Variants in ERCC6 observed in about 807,000 individuals in gnomAD.
ERCC6 encodes the protein ERCC excision repair 6, chromatin remodeling factor.
A neutral mutation model predicts 158.7 loss-of-function variants in ERCC6; 116 were observed. The ratio of observed to expected loss-of-function variants is 0.73; its 90% CI spans 0.63 to 0.85. ERCC6 has a LOEUF of 0.85. ERCC6 is among the 40% of genes least tolerant of loss of function. The probability of loss-of-function intolerance (pLI) is 0.00; values close to 1 mark genes in which losing one functional copy is unlikely to be tolerated. For synonymous variants in ERCC6, 678 were observed against 659.3 expected, an observed-to-expected ratio of 1.03 and a Z score of -0.43; for missense variants, 1,698 against 1,799.4, an observed-to-expected ratio of 0.94 and a Z score of 1.02.
At position 49,470,897 on chromosome 10, in the gene ERCC6, G is replaced by A. The variant is rs1461042995; in HGVS notation, c.3071-8C>T. On this transcript the variant is annotated splice_region_variant and splice_polypyrimidine_tract_variant and intron_variant, in intron 17 of 20. Coordinates refer to ENST00000355832, the MANE Select transcript of ERCC6 (RefSeq NM_000124.4). ...GAACATCTGATCCAGTTCCTGTAAA[G>A]AGGAAAAACACCACTAATACTATAT... The A allele has an allele frequency of 6.8e-6, 11 of 1,613,646 alleles. No individual in the cohort carries two copies. Among genetic ancestry groups the A allele is most frequent in the South Asian group, 2.2e-5 (2 of 91,066 alleles).
At chr10:49,450,210 CT>C (rs750600240), downstream of ERCC6, among the ~76,000 whole-genome samples, 4 of 152,234 alleles carry the variant, frequency 2.6e-5, no homozygotes, top group Non-Finnish European at 5.9e-5. Flanking sequence ...CAACTTCATT[CT>C]TTTGCACGTG....
In ERCC6 at chr10:49,523,927, G is replaced by C; in HGVS notation, c.1397+106C>G. 2.0e-6 allele frequency: 3 copies of C among 1,512,372 alleles called. No individual in the cohort carries two copies. In the South Asian group the frequency reaches 3.5e-5, roughly 18 times the overall value. 93.7% of individuals were successfully genotyped at this position (1,512,372 alleles called of 1,614,324 possible). On this transcript the variant is annotated intron_variant, in intron 5 of 20. Transcript: ENST00000355832. ...AGAAATCCAACCTCTGTATAATCGG[G>C]GGGGTCTAATATATTAAGCTGGATC...
In ERCC6 at chr10:49,483,438, C is replaced by A. The variant is rs758433804; in HGVS notation, c.1900G>T (p.Asp634Tyr). The A allele has an allele frequency of 6.2e-7, 1 of 1,614,102 alleles. No individual in the cohort carries two copies. The highest frequency in any genetic ancestry group is 8.5e-7 in the Non-Finnish European group (1 of 1,179,968). ...TAGTGCCAGTCATACCTGCTAATGT[C>A]ATCCTGCATCAATCGAATGTAGGAG... ...SYSYIRLMQDDISRYDWHYVI... is the reference protein window; with the variant it reads ...SYSYIRLMQDYISRYDWHYVI... Residue 634 changes from aspartate (D) to tyrosine (Y), a missense_variant, in exon 9 of 21, where the codon GAC (aspartate) becomes TAC (tyrosine). Coordinates refer to ENST00000355832, the MANE Select transcript of ERCC6 (RefSeq NM_000124.4).
chr10:49,526,414 G>A (rs993931849), intron 4 of ERCC6, among the ~76,000 whole-genome samples: 6 of 151,488 alleles, frequency 4.0e-5, no homozygotes, highest in African/African-American at 7.3e-5. Context: ...CCAGTCTTTC[G>A]CCCATTTTTG....
chr10:49,442,093 GA>G, the ERCC6 span, among the ~76,000 whole-genome samples: 1 of 152,296 alleles, frequency 6.6e-6, no homozygotes, highest in East Asian at 1.9e-4. Flanking sequence ...TGTCTTTTAG[GA>G]AAACCAAGCT....
intron 7 of ERCC6, among the ~76,000 whole-genome samples, chr10:49,497,888 G>C (rs1851293126): frequency 6.6e-6 from 1 of 152,010 alleles, no homozygotes; most frequent in Non-Finnish European, 1.5e-5. Flanking sequence ...AACTTACCAG[G>C]AACTACAAAG....
downstream of ERCC6, among the ~76,000 whole-genome samples, chr10:49,453,383 T>C (rs1850442037): frequency 6.6e-6 from 1 of 152,130 alleles, no homozygotes; most frequent in South Asian, 2.1e-4. Flanking sequence ...ATCCAACACA[T>C]TGTTATAATT....
the ERCC6 span, among the ~76,000 whole-genome samples, chr10:49,439,968 G>C: frequency 6.6e-6 from 1 of 152,124 alleles, no homozygotes; most frequent in East Asian, 1.9e-4. Context: ...ATTGCTATCA[G>C]GCTTCTGGTC....
chr10:49,472,524 C>T (rs1332314534), intron 15 of ERCC6, 54 bp from the exon 16 acceptor site: 2 of 1,574,134 alleles, frequency 1.3e-6, no homozygotes, highest in Non-Finnish European at 1.7e-6. Context: ...ATGACAAGCA[C>T]TGACTATAAG....
chr10:49,511,427 CTTTTT>C (rs66834567), intron 5 of ERCC6, among the ~76,000 whole-genome samples: 2 of 133,426 alleles, frequency 1.5e-5, no homozygotes, highest in East Asian at 2.2e-4. Context: ...TTCTTTTTTA[CTTTTT>C]TTTTTTTTTT....
the ERCC6 span, among the ~76,000 whole-genome samples, chr10:49,445,007 G>A: frequency 1.3e-5 from 2 of 151,936 alleles, no homozygotes; most frequent in Non-Finnish European, 2.9e-5. Flanking sequence ...AATATTCTAG[G>A]AATGATGAGT....
At chr10:49,487,369 G>A (rs992190727) in intron 8 of ERCC6, among the ~76,000 whole-genome samples, 2 of 152,064 alleles carry the variant, frequency 1.3e-5, no homozygotes, top group African/African-American at 4.8e-5. Context: ...TTCGACACCT[G>A]CACAATACCA....
At chr10:49,499,668 C>T (rs1851324092) in intron 7 of ERCC6, among the ~76,000 whole-genome samples, 1 of 152,142 alleles carries the variant, frequency 6.6e-6, no homozygotes, top group African/African-American at 2.4e-5. Flanking sequence ...ACATAATTTA[C>T]CGACCAATAT....
At chr10:49,520,241 T>C (rs972397951) in intron 5 of ERCC6, among the ~76,000 whole-genome samples, 1 of 152,184 alleles carries the variant, frequency 6.6e-6, no homozygotes, top group Non-Finnish European at 1.5e-5. Flanking sequence ...GACCCCACGC[T>C]ACACTTCCTA....
chr10:49,447,949 C>T, the ERCC6 span, among the ~76,000 whole-genome samples: 4 of 152,160 alleles, frequency 2.6e-5, no homozygotes, highest in Non-Finnish European at 5.9e-5. Flanking sequence ...TGTCAATGGA[C>T]GCTTCAACTG....
chr10:49,478,037 G>GT (rs1850909186), intron 11 of ERCC6, among the ~76,000 whole-genome samples: 1 of 152,210 alleles, frequency 6.6e-6, no homozygotes, highest in Non-Finnish European at 1.5e-5. Context: ...GTTCACTGCT[G>GT]TATCTCAGAG....
At chr10:49,496,389 T>C (rs1413410504) in intron 7 of ERCC6, among the ~76,000 whole-genome samples, 1 of 152,230 alleles carries the variant, frequency 6.6e-6, no homozygotes, top group Non-Finnish European at 1.5e-5. Context: ...TTTATTAAAT[T>C]AAAACATTTT....
At chr10:49,504,277 T>G (rs1249190147) in intron 6 of ERCC6, 1 of 152,148 alleles carries the variant, frequency 6.6e-6, no homozygotes, top group Non-Finnish European at 1.5e-5. Flanking sequence ...CATAAAATAT[T>G]TAAAATCCTG....
Position 49,517,056 on chromosome 10 carries a change from A to G in ERCC6, c.1397+6977T>C, listed in dbSNP as rs1447913997. On this transcript the variant is annotated intron_variant, in intron 5 of 20. Coordinates refer to ENST00000355832, the MANE Select transcript of ERCC6 (RefSeq NM_000124.4). Reference sequence around the variant, plus strand: ...TTGTATCACTATAGCACTTGCTTCTATGCTGTCATCTGTCTCTAAAAGGTC... The same window carrying G: ...TTGTATCACTATAGCACTTGCTTCTGTGCTGTCATCTGTCTCTAAAAGGTC... 3.1e-6 allele frequency: 5 copies of G among 1,612,578 alleles called. No homozygotes were observed. The Admixed American group carries it at 5.0e-5, about 16-fold the overall frequency.
Sources: gnomAD v4.1 joint callset for allele counts (sites outside exome capture counted in the v4.1 genomes callset) on GRCh38, gnomAD v4.1.1 for gene constraint, MANE v1.5 for transcripts, NCBI Gene and HGNC (gene_info 2026-07-23, HGNC 2026-07-21) for gene names.